MAN1A2: variants seen among roughly 807,000 people sequenced by gnomAD.
MAN1A2 encodes the protein mannosidase alpha class 1A member 2.
Under a neutral mutation model 75.7 loss-of-function variants are expected in MAN1A2, and 26 were observed. The ratio of observed to expected loss-of-function variants is 0.34; its 90% CI spans 0.25 to 0.48. The LOEUF (loss-of-function observed/expected upper bound fraction) is 0.48, where lower values mean the gene tolerates loss of function less well. MAN1A2 is among the 20% of genes least tolerant of loss of function. The probability of loss-of-function intolerance (pLI) is 0.99; values close to 1 mark genes in which losing one functional copy is unlikely to be tolerated. For missense variants in MAN1A2, 562 were observed against 775.5 expected (o/e 0.72, Z 3.27); for synonymous variants, 247 against 264.6 (o/e 0.93, Z 0.65).
At chr1:117,413,317 A>C (rs767525480) in intron 3 of MAN1A2, among the ~76,000 whole-genome samples, 30 of 151,960 alleles carry the variant, frequency 2.0e-4, no homozygotes, top group Non-Finnish European at 3.5e-4. Context: ...AGAAAATGGC[A>C]TGTAAATTAA....
intron 6 of MAN1A2, among the ~76,000 whole-genome samples, chr1:117,448,644 A>G (rs911392455): frequency 6.6e-6 from 1 of 152,220 alleles, no homozygotes; most frequent in African/African-American, 2.4e-5. Flanking sequence ...AGACAAAACA[A>G]TAGAAACCAC....
At chr1:117,435,918 C>T (rs1211996488) in intron 5 of MAN1A2, among the ~76,000 whole-genome samples, 1 of 151,958 alleles carries the variant, frequency 6.6e-6, no homozygotes. Context: ...ATTAGCTAGG[C>T]GTGGTGGCAG....
intron 1 of MAN1A2, among the ~76,000 whole-genome samples, chr1:117,371,548 A>C (rs1652965820): frequency 6.6e-6 from 1 of 152,124 alleles, no homozygotes; most frequent in Admixed American, 6.5e-5. Flanking sequence ...TTGCTTAATG[A>C]AGTGGAATTG....
At chr1:117,450,880 C>T (rs927402356) in intron 6 of MAN1A2, among the ~76,000 whole-genome samples, 5 of 152,176 alleles carry the variant, frequency 3.3e-5, no homozygotes, top group South Asian at 2.1e-4. Flanking sequence ...TGCAGGGACA[C>T]GACTCTCTCT....
At chr1:117,432,599 G>C (rs548005096) in intron 5 of MAN1A2, among the ~76,000 whole-genome samples, 1 of 152,246 alleles carries the variant, frequency 6.6e-6, no homozygotes, top group Admixed American at 6.5e-5. Flanking sequence ...GCCATTTGTA[G>C]TATTAATTGA....
At chr1:117,386,183 A>T (rs1241030479) in intron 1 of MAN1A2, among the ~76,000 whole-genome samples, 1 of 152,236 alleles carries the variant, frequency 6.6e-6, no homozygotes, top group African/African-American at 2.4e-5. Flanking sequence ...AACCGAAAGG[A>T]ATCCTACATT....
At chr1:117,446,310 T>G (rs1370403354) in intron 6 of MAN1A2, among the ~76,000 whole-genome samples, 2 of 152,032 alleles carry the variant, frequency 1.3e-5, no homozygotes, top group East Asian at 3.8e-4. Context: ...TTCTCTTTTC[T>G]TATTGGAGCT....
intron 1 of MAN1A2, among the ~76,000 whole-genome samples, chr1:117,372,537 T>C (rs1652996654): frequency 6.6e-6 from 1 of 152,150 alleles, no homozygotes; most frequent in African/African-American, 2.4e-5. Flanking sequence ...TCATAAATAA[T>C]CCAGAATTTT....
chr1:117,432,316 A>G (rs1186701078), intron 5 of MAN1A2, among the ~76,000 whole-genome samples: 1 of 152,090 alleles, frequency 6.6e-6, no homozygotes, highest in Non-Finnish European at 1.5e-5. Flanking sequence ...TAGACAAAAC[A>G]AGGAAAATAT....
At chr1:117,442,449 CTT>C (rs1343279710) in intron 6 of MAN1A2, 124 bp downstream of exon 6, 1 of 594,842 alleles carries the variant, frequency 1.7e-6, no homozygotes, top group East Asian at 2.8e-5. Flanking sequence ...TATATATAAT[CTT>C]TGTTTTCTTT....
chr1:117,408,526 T>TTG (rs1647692884), intron 3 of MAN1A2, among the ~76,000 whole-genome samples: 1 of 152,062 alleles, frequency 6.6e-6, no homozygotes, highest in African/African-American at 2.4e-5. Flanking sequence ...TATTTCTGAC[T>TTG]TAACTGTGAT....
intron 12 of MAN1A2, among the ~76,000 whole-genome samples, chr1:117,511,203 G>A (rs982261671): frequency 1.3e-5 from 2 of 151,970 alleles, no homozygotes; most frequent in Non-Finnish European, 2.9e-5. Context: ...AGAACAATAT[G>A]GGGGAAACCA....
intron 1 of MAN1A2, among the ~76,000 whole-genome samples, chr1:117,386,177 G>A (rs17037223): frequency 0.12 from 18,269 of 152,158 alleles, 1,156 homozygotes; most frequent in Non-Finnish European, 0.14. Flanking sequence ...AAAGGAAACC[G>A]AAAGGAATCC....
chr1:117,388,435 G>A (rs1229194964), intron 1 of MAN1A2, among the ~76,000 whole-genome samples: 1 of 152,066 alleles, frequency 6.6e-6, no homozygotes. Flanking sequence ...AGGTTTAATT[G>A]GCTCACAGTT....
intron 12 of MAN1A2, among the ~76,000 whole-genome samples, chr1:117,520,191 CTG>C (rs1460831271): frequency 4.6e-5 from 7 of 152,010 alleles, no homozygotes; most frequent in Non-Finnish European, 4.4e-5. Context: ...ATAAAACCAA[CTG>C]TGACAAACCC....
intron 12 of MAN1A2, among the ~76,000 whole-genome samples, chr1:117,513,121 C>T (rs1359129146): frequency 1.3e-5 from 2 of 152,084 alleles, no homozygotes; most frequent in Non-Finnish European, 2.9e-5. Context: ...TCTACCCACC[C>T]CCAAACTCTA....
chr1:117,435,125 TAGAG>T (rs1224249979), intron 5 of MAN1A2, among the ~76,000 whole-genome samples: 1 of 151,958 alleles, frequency 6.6e-6, no homozygotes, highest in Non-Finnish European at 1.5e-5. Context: ...AAATAAGTAG[TAGAG>T]AGATGTAATG....
chr1:117,521,395 A>T (rs1332567017), intron 12 of MAN1A2, among the ~76,000 whole-genome samples: 1 of 151,536 alleles, frequency 6.6e-6, no homozygotes, highest in African/African-American at 2.4e-5. Flanking sequence ...GGAGAAGAAG[A>T]TGTAAAAGTG....
chr1:117,411,717 T>C (rs1275745209), intron 3 of MAN1A2, among the ~76,000 whole-genome samples: 1 of 151,764 alleles, frequency 6.6e-6, no homozygotes, highest in Non-Finnish European at 1.5e-5. Context: ...AGGAGGTATA[T>C]GAATAGCCAG....
Sources: gnomAD v4.1 joint callset for allele counts (sites outside exome capture counted in the v4.1 genomes callset) on GRCh38, gnomAD v4.1.1 for gene constraint, MANE v1.5 for transcripts, NCBI Gene and HGNC (gene_info 2026-07-23, HGNC 2026-07-21) for gene names.